Variants in TSHZ3 observed in about 807,000 individuals in gnomAD.
The protein encoded by TSHZ3 is teashirt zinc finger homeobox 3.
TSHZ3 carries 10 observed loss-of-function variants against 64.5 expected under a neutral mutation model. That is an observed-to-expected ratio of 0.16 (90% CI 0.10 to 0.26). TSHZ3 has a LOEUF of 0.26. Among genes scored for constraint, TSHZ3 ranks in the 10% least tolerant of loss-of-function variants. The pLI is 1.00. For missense variants in TSHZ3, 1,242 were observed against 1,421.7 expected, an observed-to-expected ratio of 0.87 and a Z score of 2.03; for synonymous variants, 608 against 593.1, an observed-to-expected ratio of 1.03 and a Z score of -0.36.
chr19:31,192,953 C>T (rs1974932943), intron 5 of TSHZ3, among the ~76,000 whole-genome samples: 1 of 152,142 alleles, frequency 6.6e-6, no homozygotes, highest in Non-Finnish European at 1.5e-5. Flanking sequence ...GAAGCCTTTG[C>T]TGTATGTCTG....
chr19:31,300,159 G>A (rs1213005294), intron 1 of TSHZ3, among the ~76,000 whole-genome samples: 1 of 152,152 alleles, frequency 6.6e-6, no homozygotes, highest in African/African-American at 2.4e-5. Flanking sequence ...CTGGTACATT[G>A]TGATCGACTT....
intron 1 of TSHZ3, among the ~76,000 whole-genome samples, chr19:31,303,345 G>A (rs562368981): frequency 1.3e-5 from 2 of 152,320 alleles, no homozygotes; most frequent in African/African-American, 4.8e-5. Flanking sequence ...TGCGACATTG[G>A]TCGTGCTGCA....
At chr19:31,341,378 T>G (rs1429474967) in intron 1 of TSHZ3, among the ~76,000 whole-genome samples, 1 of 151,940 alleles carries the variant, frequency 6.6e-6, no homozygotes, top group Non-Finnish European at 1.5e-5. Context: ...CCAGGGTAGG[T>G]GCACAGAGGC....
At chr19:31,209,419 T>A (rs913347340) in intron 4 of TSHZ3, among the ~76,000 whole-genome samples, 1 of 152,150 alleles carries the variant, frequency 6.6e-6, no homozygotes, top group African/African-American at 2.4e-5. Context: ...ATTCAGATCA[T>A]CTGGGTTTGA....
At chr19:31,195,131 G>T (rs1974966056) in intron 5 of TSHZ3, among the ~76,000 whole-genome samples, 1 of 152,038 alleles carries the variant, frequency 6.6e-6, no homozygotes, top group Non-Finnish European at 1.5e-5. Context: ...ACACATATGG[G>T]AATACCAGAC....
Position 31,276,685 on chromosome 19 carries a change from G to C in TSHZ3, c.3108C>G (p.Asp1036Glu). ...EKMVTSSPEE[D>E]LGTSYQCKLC... ...GTTTGCACTGATAGGAAGTCCCCAG[G>C]TCTTCCTCGGGGGAGGACGTCACCA... The change falls in exon 2 of 2, where the codon GAC becomes GAG. Residue 1036 changes from aspartate to glutamate, a missense_variant. Transcript: ENST00000240587. 3.1e-6 allele frequency: 5 copies of C among 1,613,832 alleles called. No homozygotes were observed. The highest frequency in any genetic ancestry group is 4.2e-6 in the Non-Finnish European group (5 of 1,179,760).
chr19:31,256,131 G>A (rs900904918), intron 1 of TSHZ3, among the ~76,000 whole-genome samples: 1 of 152,124 alleles, frequency 6.6e-6, no homozygotes, highest in Non-Finnish European at 1.5e-5. Context: ...CCCCTTCTGT[G>A]AAATGAGATT....
At chr19:31,198,687 C>A (rs980011401) in intron 5 of TSHZ3, among the ~76,000 whole-genome samples, 5 of 151,946 alleles carry the variant, frequency 3.3e-5, no homozygotes, top group Non-Finnish European at 7.4e-5. Context: ...TATTAATACC[C>A]CCCAAAATGA....
At chr19:31,177,544 C>T (rs1327929317) in intron 5 of TSHZ3, among the ~76,000 whole-genome samples, 3 of 152,258 alleles carry the variant, frequency 2.0e-5, no homozygotes, top group Non-Finnish European at 4.4e-5. Flanking sequence ...GGTCTCCTCT[C>T]TAGCTGCCTG....
At chr19:31,249,496 A>AAC (rs1182155894) in intron 1 of TSHZ3, among the ~76,000 whole-genome samples, 1 of 151,806 alleles carries the variant, frequency 6.6e-6, no homozygotes, top group Admixed American at 6.6e-5. Flanking sequence ...TGTCTACTTA[A>AAC]ACACACACAC....
intron 1 of TSHZ3, among the ~76,000 whole-genome samples, chr19:31,331,288 T>C (rs1355743505): frequency 6.6e-6 from 1 of 152,190 alleles, no homozygotes; most frequent in East Asian, 1.9e-4. Flanking sequence ...CACTTTATTA[T>C]CTACTTTTGG....
chr19:31,270,636 T>G (rs1976123165), downstream of TSHZ3, among the ~76,000 whole-genome samples: 1 of 152,198 alleles, frequency 6.6e-6, no homozygotes, highest in Non-Finnish European at 1.5e-5. Context: ...CCTTCTATGA[T>G]GATGGGAATG....
chr19:31,278,305 C>G lies in TSHZ3; in HGVS notation c.1488G>C (p.Glu496Asp), dbSNP rs901928741. 1 of 1,614,132 alleles carries G rather than the reference C, an allele frequency of 6.2e-7. No homozygotes were observed. Among genetic ancestry groups the G allele is most frequent in the Admixed American group, 1.7e-5 (1 of 60,030 alleles). The change falls in exon 2 of 2, where the codon GAG becomes GAC. Residue 496 changes from glutamate to aspartate, a missense_variant. Transcript: ENST00000240587. This position sits in a 1 kb window ranked among gnomAD's most constrained non-coding sequence, Gnocchi z 4.7. ...GGTATTTGGAAGAGATGTCACACTT[C>G]TCCTCTTCTTCGCCAGGCTTGTCTT... ...KQKDKPGEEEEKCDISSKYHY... is the reference protein window; with the variant it reads ...KQKDKPGEEEDKCDISSKYHY...
chr19:31,170,046 T>C (rs1383883388), intron 5 of TSHZ3, among the ~76,000 whole-genome samples: 2 of 152,182 alleles, frequency 1.3e-5, no homozygotes, highest in African/African-American at 4.8e-5. Context: ...AGCATGAATG[T>C]TTTGAAAGCC....
At chr19:31,169,674 T>C (rs890360715) in intron 5 of TSHZ3, among the ~76,000 whole-genome samples, 4 of 152,154 alleles carry the variant, frequency 2.6e-5, no homozygotes, top group Non-Finnish European at 4.4e-5. Flanking sequence ...TGTCTGGTCC[T>C]GGAGACACAG....
At chr19:31,255,513 C>T (rs1463961354) in intron 1 of TSHZ3, among the ~76,000 whole-genome samples, 1 of 152,104 alleles carries the variant, frequency 6.6e-6, no homozygotes, top group Non-Finnish European at 1.5e-5. Flanking sequence ...GAGTTGTGCC[C>T]TTTCTTTTAT....
chr19:31,296,990 T>G (rs959633578), intron 1 of TSHZ3, among the ~76,000 whole-genome samples: 3 of 152,230 alleles, frequency 2.0e-5, no homozygotes, highest in African/African-American at 7.2e-5. Context: ...AGGCAAACTA[T>G]GTGCTGCAGT....
chr19:31,310,279 G>A (rs549337362), intron 1 of TSHZ3, among the ~76,000 whole-genome samples: 3 of 152,190 alleles, frequency 2.0e-5, no homozygotes, highest in African/African-American at 4.8e-5. Flanking sequence ...ATGAAGAGTC[G>A]AGTGACCCAA....
chr19:31,293,835 T>C (rs1367000637), intron 1 of TSHZ3, among the ~76,000 whole-genome samples: 1 of 152,218 alleles, frequency 6.6e-6, no homozygotes, highest in Non-Finnish European at 1.5e-5. Flanking sequence ...CAGTAACTTC[T>C]GGTCCAATTC....
Sources: allele counts gnomAD v4.1 joint callset (sites outside exome capture counted in the v4.1 genomes callset), GRCh38; gene constraint gnomAD v4.1.1; non-coding constraint Gnocchi (gnomAD v3.1); transcripts MANE v1.5; gene names NCBI Gene and HGNC (gene_info 2026-07-23, HGNC 2026-07-21).